Variants in RECQL observed in about 807,000 individuals in gnomAD.
RECQL encodes ATP-dependent DNA helicase Q1.
Under a neutral mutation model 75.8 loss-of-function variants are expected in RECQL, and 73 were observed. The ratio of observed to expected loss-of-function variants is 0.96; its 90% CI spans 0.80 to 1.17. The LOEUF (loss-of-function observed/expected upper bound fraction) is 1.17. RECQL is among the 50% of genes most tolerant of loss of function. The probability of loss-of-function intolerance (pLI) is 0.00; values close to 1 mark genes in which losing one functional copy is unlikely to be tolerated. For synonymous variants in RECQL, 248 were observed against 254.4 expected (o/e 0.97, Z 0.24); for missense variants, 699 against 772.1 (o/e 0.91, Z 1.12).
At chr12:21,499,743 C>A (rs944745327) in intron 1 of RECQL, 128 bp from the exon 2 acceptor site, 2 of 510,378 alleles carry the variant, frequency 3.9e-6, no homozygotes, top group Non-Finnish European at 7.0e-6. Context: ...ATTGCAGTGA[C>A]CTTTCAAATA....
intron 6 of RECQL, among the ~76,000 whole-genome samples, chr12:21,481,563 G>C (rs7307519): frequency 0.15 from 23,017 of 152,032 alleles, 2,093 homozygotes; most frequent in Middle Eastern, 0.27. Context: ...ATCTGGTTAA[G>C]AAAAGAGGGG....
intron 8 of RECQL, among the ~76,000 whole-genome samples, chr12:21,476,478 G>A (rs1033107974): frequency 3.3e-5 from 5 of 151,918 alleles, no homozygotes; most frequent in African/African-American, 9.7e-5. Context: ...CTCACAACTC[G>A]ATCTGTGCTT....
In RECQL at chr12:21,491,570, C is replaced by A. The variant is rs1943414257; in HGVS notation, c.163G>T (p.Ala55Ser). ...KIKQCLEDSD[A>S]GASNEYDSSP... ...GAATCATATTCATTGCTTGCCCCGG[C>A]ATCAGAATCCTCTAAACACTGCTTT... Residue 55 changes from alanine (A) to serine (S), a missense_variant, in exon 3 of 15, where the codon GCC becomes TCC. Coordinates refer to ENST00000444129, the MANE Select transcript of RECQL (RefSeq NM_002907.4). 1 of 1,612,212 alleles carries A rather than the reference C, an allele frequency of 6.2e-7. No individual in the cohort carries two copies. The highest frequency in any genetic ancestry group is 1.7e-5 in the Admixed American group (1 of 59,810).
intron 6 of RECQL, among the ~76,000 whole-genome samples, chr12:21,483,175 T>C (rs927458219): frequency 6.6e-6 from 1 of 152,114 alleles, no homozygotes; most frequent in African/African-American, 2.4e-5. Context: ...CAAGATAAAA[T>C]AAGTAATACA....
At chr12:21,475,896 T>A in intron 8 of RECQL, 72 bp from the exon 9 acceptor site, 1 of 1,246,036 alleles carries the variant, frequency 8.0e-7, no homozygotes, top group Non-Finnish European at 1.2e-6. Flanking sequence ...ACACACACAT[T>A]CAGGACATTG....
At chr12:21,491,011 A>G (rs1217715229) in intron 3 of RECQL, among the ~76,000 whole-genome samples, 1 of 152,242 alleles carries the variant, frequency 6.6e-6, no homozygotes, top group African/African-American at 2.4e-5. Flanking sequence ...AACAAAGTTA[A>G]CAATTATCTG....
intron 7 of RECQL, among the ~76,000 whole-genome samples, chr12:21,477,486 C>T (rs1232855155): frequency 6.6e-6 from 1 of 152,122 alleles, no homozygotes; most frequent in Non-Finnish European, 1.5e-5. Context: ...TTATTAGGGT[C>T]CTTAGTATCA....
At chr12:21,499,531 G>GA (rs1447497757) in intron 2 of RECQL, 24 bp downstream of exon 2, 7 of 1,560,456 alleles carry the variant, frequency 4.5e-6, no homozygotes, top group African/African-American at 1.4e-5. Context: ...GAAGGAAGAA[G>GA]AAAATGTAAT....
At chr12:21,498,819 T>C (rs890524691) in intron 2 of RECQL, among the ~76,000 whole-genome samples, 2 of 152,170 alleles carry the variant, frequency 1.3e-5, no homozygotes, top group Admixed American at 6.5e-5. Context: ...GAATACAGAA[T>C]GGGTAGTTGA....
chr12:21,473,488 A>G, intron 12 of RECQL, 63 bp downstream of exon 12: 1 of 1,239,894 alleles, frequency 8.1e-7, no homozygotes. Flanking sequence ...CTCAGAACGT[A>G]TCTCTGTCAC....
chr12:21,475,048 T>C (rs561672747), intron 10 of RECQL, 69 bp from the exon 11 acceptor site: 10 of 1,503,838 alleles, frequency 6.6e-6, no homozygotes, highest in African/African-American at 5.6e-5. Context: ...AAATGACATA[T>C]GGTAAAATTA....
Position 21,474,901 on chromosome 12 carries a change from A to G in RECQL, c.1295T>C (p.Met432Thr), listed in dbSNP as rs954634416. The change falls in exon 11 of 15, where the codon ATG (methionine) becomes ACG (threonine). Residue 432 changes from methionine to threonine, a missense_variant. Physicochemically the swap from Met to Thr is moderately conservative, Grantham distance 81. Coordinates refer to ENST00000444129, the MANE Select transcript of RECQL (RefSeq NM_002907.4). The part of the protein sequence containing the change: ...DIFRISSMVV[M>T]ENVGQQKLYE... The stretch of plus-strand genomic sequence containing the variant: ...AAGCTTCTGCTGTCCCACATTTTCC[A>G]TCACCACCATTGAACTTATTCTGAA... 6.2e-7 allele frequency: 1 copy of G among 1,613,206 alleles called. No individual in the cohort carries two copies. The highest frequency in any genetic ancestry group is 8.5e-7 in the Non-Finnish European group (1 of 1,179,268).
At chr12:21,482,695 C>T (rs1483944585) in intron 6 of RECQL, among the ~76,000 whole-genome samples, 2 of 152,028 alleles carry the variant, frequency 1.3e-5, no homozygotes, top group Non-Finnish European at 2.9e-5. Flanking sequence ...GGGACAGGAG[C>T]CTGGATAAAT....
intron 3 of RECQL, among the ~76,000 whole-genome samples, chr12:21,490,672 A>C (rs558233785): frequency 6.6e-6 from 1 of 152,170 alleles, no homozygotes; most frequent in Non-Finnish European, 1.5e-5. Flanking sequence ...AGCGATGGCA[A>C]GACTCTATCC....
chr12:21,473,671 T>C (rs1442889537), intron 11 of RECQL, 29 bp from the exon 12 acceptor site: 1 of 1,575,796 alleles, frequency 6.3e-7, no homozygotes, highest in Non-Finnish European at 8.7e-7. Flanking sequence ...ATACAAATTA[T>C]TAAAGGATAT....
chr12:21,489,124 C>T lies in RECQL; in HGVS notation c.394+1075G>A, dbSNP rs142641190. ...CTTAATTCCCTATTAAAACCTTTAT[C>T]CCAAAATTCTTATTGCAATTGCTTG... is the stretch of plus-strand genomic sequence containing the variant. On this transcript the variant is annotated intron_variant, in intron 4 of 14. Coordinates refer to ENST00000444129, the MANE Select transcript of RECQL (RefSeq NM_002907.4). 8.8e-3 allele frequency among the ~76,000 whole-genome samples: 1,347 copies of T among 152,354 alleles called. 6 individuals are homozygous for T. The highest frequency in any genetic ancestry group is 0.015 in the Non-Finnish European group (1,003 of 68,036).
chr12:21,477,461 A>C (rs1437568956), intron 7 of RECQL, among the ~76,000 whole-genome samples: 2 of 152,356 alleles, frequency 1.3e-5, no homozygotes, highest in East Asian at 3.9e-4. Flanking sequence ...TTAGTAATTA[A>C]TTTGAACAGA....
In RECQL at chr12:21,480,413, C is replaced by G. The variant is rs116739544; in HGVS notation, c.701-2444G>C. 8.7e-3 allele frequency among the ~76,000 whole-genome samples: 1,326 copies of G among 152,244 alleles called. 19 individuals are homozygous for G. The highest frequency in any genetic ancestry group is 0.031 in the African/African-American group (1,285 of 41,534). Reference sequence around the variant, plus strand: ...CAACTGTATGTAAGACGTAGGTGCACAGAGAGTAGACAAACTTGAGATTCA... The same window carrying G: ...CAACTGTATGTAAGACGTAGGTGCAGAGAGAGTAGACAAACTTGAGATTCA... On this transcript the variant is annotated intron_variant, in intron 6 of 14. Transcript: ENST00000444129.
At chr12:21,475,638 A>T in intron 9 of RECQL, 38 bp downstream of exon 9, 1 of 1,609,630 alleles carries the variant, frequency 6.2e-7, no homozygotes, top group Non-Finnish European at 8.5e-7. Flanking sequence ...AAATATTTTA[A>T]AGGTAAATTA....
Sources: allele counts gnomAD v4.1 joint callset (sites outside exome capture counted in the v4.1 genomes callset), GRCh38; gene constraint gnomAD v4.1.1; transcripts MANE v1.5; gene names NCBI Gene and HGNC (gene_info 2026-07-23, HGNC 2026-07-21).